The following DOCK2 variants were observed in gnomAD, a reference collection of about 807,000 sequenced individuals.
DOCK2 encodes dedicator of cytokinesis protein 2.
DOCK2 carries 87 observed loss-of-function variants against 248.9 expected under a neutral mutation model. The ratio of observed to expected loss-of-function variants is 0.35; its 90% CI spans 0.29 to 0.42. The LOEUF (loss-of-function observed/expected upper bound fraction) is 0.42. Among genes scored for constraint, DOCK2 ranks in the 10% least tolerant of loss-of-function variants. DOCK2 has a pLI of 1.00. For synonymous variants in DOCK2, 805 were observed against 821.6 expected (o/e 0.98, Z 0.35); for missense variants, 1,747 against 2,300.2 (o/e 0.76, Z 4.92).
At chr5:169,655,940 C>T (rs946448917) in intron 2 of DOCK2, among the ~76,000 whole-genome samples, 1 of 152,178 alleles carries the variant, frequency 6.6e-6, no homozygotes, top group Non-Finnish European at 1.5e-5. Context: ...GGATACCGTA[C>T]ACTTTTCAGT....
chr5:169,943,423 T>TA (rs1776321029), intron 27 of DOCK2, among the ~76,000 whole-genome samples: 1 of 152,062 alleles, frequency 6.6e-6, no homozygotes, highest in East Asian at 1.9e-4. Flanking sequence ...CCCAGACTTT[T>TA]AAAAAATGTG....
chr5:170,056,179 C>T (rs1192532358), intron 42 of DOCK2, among the ~76,000 whole-genome samples: 2 of 152,220 alleles, frequency 1.3e-5, no homozygotes, highest in Admixed American at 1.3e-4. Flanking sequence ...AACCTCCCCT[C>T]ACCTTCTCAC....
intron 34 of DOCK2, among the ~76,000 whole-genome samples, chr5:170,030,265 CATT>C (rs1286199543): frequency 2.0e-5 from 3 of 152,098 alleles, no homozygotes; most frequent in African/African-American, 7.2e-5. Context: ...AAAGACAGCT[CATT>C]ATTTTTCTCC....
At chr5:170,015,344 A>G (rs992507192) in intron 32 of DOCK2, among the ~76,000 whole-genome samples, 1 of 152,088 alleles carries the variant, frequency 6.6e-6, no homozygotes, top group East Asian at 1.9e-4. Flanking sequence ...ATACCACACA[A>G]CCAGGGAGTG....
At chr5:169,734,803 A>T (rs537974652) in intron 22 of DOCK2, among the ~76,000 whole-genome samples, 1 of 152,186 alleles carries the variant, frequency 6.6e-6, no homozygotes, top group Non-Finnish European at 1.5e-5. Flanking sequence ...CCAGCTTTAT[A>T]TGAGGGTCTC....
intron 27 of DOCK2, chr5:169,841,264 G>A (rs752275928): frequency 1.6e-4 from 142 of 886,450 alleles, no homozygotes; most frequent in Non-Finnish European, 1.8e-4. Flanking sequence ...GCTTCATTGC[G>A]TGTTAATTCT....
chr5:169,714,257 C>CGT (rs777329975), intron 18 of DOCK2, 46 bp downstream of exon 18: 1 of 1,600,230 alleles, frequency 6.2e-7, no homozygotes, highest in East Asian at 2.2e-5. Flanking sequence ...TGTGTGTGTC[C>CGT]GTGTGTGTGT....
chr5:169,887,080 A>G (rs1773015062), intron 27 of DOCK2, among the ~76,000 whole-genome samples: 3 of 152,334 alleles, frequency 2.0e-5, no homozygotes, highest in African/African-American at 7.2e-5. Flanking sequence ...ATTTGGACCC[A>G]CAGACTGACC....
intron 26 of DOCK2, among the ~76,000 whole-genome samples, chr5:169,839,347 G>A (rs1046115677): frequency 9.2e-5 from 14 of 152,150 alleles, no homozygotes; most frequent in South Asian, 4.1e-4. Flanking sequence ...GGTCCACATC[G>A]ACCTTGAGAG....
intron 39 of DOCK2, among the ~76,000 whole-genome samples, 190 bp downstream of exon 39, chr5:170,046,095 A>T (rs970359036): frequency 1.3e-5 from 2 of 152,120 alleles, no homozygotes; most frequent in African/African-American, 4.8e-5. Context: ...TCAAAGAGAG[A>T]TGTCGTGGGG....
At chr5:169,729,702 T>G (rs1380850959) in intron 22 of DOCK2, among the ~76,000 whole-genome samples, 2 of 152,124 alleles carry the variant, frequency 1.3e-5, no homozygotes, top group Non-Finnish European at 2.9e-5. Flanking sequence ...TAAACCAAGT[T>G]GTTTCAAATG....
At chr5:169,793,625 C>T (rs1201663791) in intron 25 of DOCK2, among the ~76,000 whole-genome samples, 2 of 152,196 alleles carry the variant, frequency 1.3e-5, no homozygotes, top group Non-Finnish European at 2.9e-5. Flanking sequence ...TTCCCACCTT[C>T]CTCTCTAGGT....
chr5:170,057,036 G>A (rs12109864), intron 43 of DOCK2: 6,933 of 450,838 alleles, frequency 0.015, 401 homozygotes, highest in African/African-American at 0.13. Context: ...TTGCCAGCAC[G>A]TAGAAACCCT....
At chr5:169,951,772 T>G (rs952849631) in intron 27 of DOCK2, among the ~76,000 whole-genome samples, 17 of 152,222 alleles carry the variant, frequency 1.1e-4, no homozygotes, top group Non-Finnish European at 2.9e-5. Context: ...TGTTTAAGCC[T>G]CTTCCACACA....
chr5:169,902,829 G>A (rs1382883464), intron 27 of DOCK2, among the ~76,000 whole-genome samples: 1 of 152,152 alleles, frequency 6.6e-6, no homozygotes, highest in Non-Finnish European at 1.5e-5. Flanking sequence ...GCCAGGCGTG[G>A]TGGCTCACGC....
At chr5:169,946,656 C>T (rs1022966985) in intron 27 of DOCK2, among the ~76,000 whole-genome samples, 3 of 152,180 alleles carry the variant, frequency 2.0e-5, no homozygotes, top group African/African-American at 7.2e-5. Flanking sequence ...ATAAGATAGG[C>T]CAGTTCCTAG....
intron 47 of DOCK2, 60 bp downstream of exon 47, chr5:170,076,144 T>C: frequency 6.4e-7 from 1 of 1,574,556 alleles, no homozygotes; most frequent in East Asian, 2.3e-5. Flanking sequence ...CAGGGAAGCA[T>C]GCTGGAGGCT....
chr5:169,861,557 G>C (rs777554956), intron 27 of DOCK2, among the ~76,000 whole-genome samples: 1 of 152,130 alleles, frequency 6.6e-6, no homozygotes, highest in Non-Finnish European at 1.5e-5. Flanking sequence ...AGTAATTTTT[G>C]CTAAGTTAAT....
chr5:169,747,371 A>G, intron 22 of DOCK2, 25 bp from the exon 23 acceptor site: 1 of 1,590,986 alleles, frequency 6.3e-7, no homozygotes. Flanking sequence ...AGCTTGAGAA[A>G]TGACCCAGAT....
Sources: allele counts gnomAD v4.1 joint callset (sites outside exome capture counted in the v4.1 genomes callset), GRCh38; gene constraint gnomAD v4.1.1; transcripts MANE v1.5; gene names NCBI Gene and HGNC (gene_info 2026-07-23, HGNC 2026-07-21).